Variants in DCDC2 observed in about 807,000 individuals in gnomAD.
DCDC2 encodes the protein doublecortin domain containing 2.
In DCDC2, 40 loss-of-function variants were observed where a neutral mutation model predicts 50.2. That is an observed-to-expected ratio of 0.80 (90% CI 0.62 to 1.04). DCDC2 has a LOEUF of 1.04. Ranked by LOEUF, DCDC2 falls within the 50% of genes least tolerant of loss-of-function variation. The pLI, the probability that DCDC2 is intolerant of heterozygous loss-of-function variation, is 0.00. For missense variants in DCDC2, 570 were observed against 581.9 expected, an observed-to-expected ratio of 0.98 and a Z score of 0.21; for synonymous variants, 234 against 210.6, an observed-to-expected ratio of 1.11 and a Z score of -0.96.
intron 7 of DCDC2, among the ~76,000 whole-genome samples, chr6:24,218,794 A>G (rs1762037550): frequency 6.6e-6 from 1 of 152,192 alleles, no homozygotes; most frequent in Non-Finnish European, 1.5e-5. Context: ...GGCCTATTTT[A>G]AAAATAAATA....
chr6:24,258,733 G>A (rs1043163317), intron 7 of DCDC2, among the ~76,000 whole-genome samples: 10 of 152,100 alleles, frequency 6.6e-5, no homozygotes, highest in African/African-American at 2.2e-4. Context: ...ACATAACTCT[G>A]AGCCCTCAGA....
At chr6:24,306,565 GACA>G (rs1353651574) in intron 2 of DCDC2, among the ~76,000 whole-genome samples, 9 of 149,296 alleles carry the variant, frequency 6.0e-5, no homozygotes, top group African/African-American at 2.3e-4. Flanking sequence ...CAGACAGACA[GACA>G]GACAGACAAA....
chr6:24,360,293 GATCATGCGCTCATTC>G (rs970401236), upstream of DCDC2, among the ~76,000 whole-genome samples: 15 of 152,334 alleles, frequency 9.8e-5, no homozygotes, highest in South Asian at 4.1e-4. Context: ...CAGGTGACAT[GATCATGCGCTCATTC>G]ATCATGCGCT....
chr6:24,364,226 C>T, the DCDC2 span, among the ~76,000 whole-genome samples: 5 of 152,076 alleles, frequency 3.3e-5, no homozygotes, highest in Non-Finnish European at 2.9e-5. Context: ...TATTTTTTCT[C>T]TATAGGTTTT....
At chr6:24,197,625 C>T (rs908298816) in intron 8 of DCDC2, among the ~76,000 whole-genome samples, 22 of 152,238 alleles carry the variant, frequency 1.4e-4, no homozygotes, top group Admixed American at 1.4e-3. Flanking sequence ...TTGAAATCTG[C>T]GTGATTTTTA....
chr6:24,319,316 G>C (rs563154472), intron 2 of DCDC2, among the ~76,000 whole-genome samples: 21 of 150,674 alleles, frequency 1.4e-4, no homozygotes, highest in Non-Finnish European at 2.1e-4. Flanking sequence ...TGAGTTGTTT[G>C]AGTCCTTGTA....
chr6:24,372,176 C>T, the DCDC2 span, among the ~76,000 whole-genome samples: 1 of 152,142 alleles, frequency 6.6e-6, no homozygotes, highest in East Asian at 1.9e-4. Flanking sequence ...AATCCCAGCA[C>T]TTTGGGAGGC....
intron 7 of DCDC2, among the ~76,000 whole-genome samples, chr6:24,270,918 A>T (rs1763222460): frequency 1.3e-5 from 2 of 152,136 alleles, no homozygotes; most frequent in African/African-American, 4.8e-5. Context: ...ATCTGTAGTA[A>T]GCTACAGAAA....
intron 8 of DCDC2, among the ~76,000 whole-genome samples, chr6:24,193,207 A>G (rs1049934340): frequency 6.6e-6 from 1 of 152,200 alleles, no homozygotes; most frequent in Non-Finnish European, 1.5e-5. Flanking sequence ...TCTCAGAAAA[A>G]TGTGTCTCCC....
intron 2 of DCDC2, among the ~76,000 whole-genome samples, chr6:24,327,242 C>T (rs1332593233): frequency 6.7e-6 from 1 of 149,532 alleles, no homozygotes; most frequent in Non-Finnish European, 1.5e-5. Flanking sequence ...CAGCTTAGGA[C>T]TTTTGACTAT....
At chr6:24,373,862 A>G in the DCDC2 span, among the ~76,000 whole-genome samples, 1 of 152,144 alleles carries the variant, frequency 6.6e-6, no homozygotes, top group Non-Finnish European at 1.5e-5. Flanking sequence ...GGAGGGAGGA[A>G]AAAAGGAAGG....
chr6:24,358,679 C>G (rs1285463024), upstream of DCDC2, among the ~76,000 whole-genome samples: 3 of 101,570 alleles, frequency 3.0e-5, no homozygotes, highest in African/African-American at 1.1e-4. Flanking sequence ...AAGACCCTGT[C>G]TTAGAAAATA....
At chr6:24,268,308 G>C (rs188601757) in intron 7 of DCDC2, among the ~76,000 whole-genome samples, 4 of 152,104 alleles carry the variant, frequency 2.6e-5, no homozygotes, top group Non-Finnish European at 4.4e-5. Context: ...CCAACATGGC[G>C]AAGTCCCATC....
At chr6:24,326,985 T>C (rs1197050057) in intron 2 of DCDC2, among the ~76,000 whole-genome samples, 1 of 149,616 alleles carries the variant, frequency 6.7e-6, no homozygotes, top group East Asian at 2.2e-4. Context: ...AGGCCAAGGA[T>C]TGTGTTCTAC....
At chr6:24,201,924 C>T (rs939831557) in intron 8 of DCDC2, among the ~76,000 whole-genome samples, 1 of 152,092 alleles carries the variant, frequency 6.6e-6, no homozygotes, top group African/African-American at 2.4e-5. Context: ...CATACACCCT[C>T]CCAAGACTAA....
chr6:24,298,731 T>A (rs1295723169), intron 4 of DCDC2, among the ~76,000 whole-genome samples: 1 of 152,140 alleles, frequency 6.6e-6, no homozygotes, highest in Non-Finnish European at 1.5e-5. Context: ...TCACGCAACA[T>A]GAGTGAAAAG....
At chr6:24,234,892 C>A (rs926529556) in intron 7 of DCDC2, among the ~76,000 whole-genome samples, 1 of 152,078 alleles carries the variant, frequency 6.6e-6, no homozygotes, top group African/African-American at 2.4e-5. Context: ...ACATAGATAG[C>A]ACACTTGCCA....
At chr6:24,188,470 T>C (rs905572848) in intron 8 of DCDC2, among the ~76,000 whole-genome samples, 12 of 152,210 alleles carry the variant, frequency 7.9e-5, no homozygotes, top group African/African-American at 2.9e-4. Flanking sequence ...TACATCACCA[T>C]GCCACTGTTT....
chr6:24,312,865 A>G (rs150174142), intron 2 of DCDC2, among the ~76,000 whole-genome samples: 28 of 152,358 alleles, frequency 1.8e-4, no homozygotes, highest in Non-Finnish European at 3.2e-4. Flanking sequence ...AAAACAAAGC[A>G]AAGTAAAATA....
Sources: gnomAD v4.1 joint callset for allele counts (sites outside exome capture counted in the v4.1 genomes callset) on GRCh38, gnomAD v4.1.1 for gene constraint, MANE v1.5 for transcripts, NCBI Gene and HGNC (gene_info 2026-07-23, HGNC 2026-07-21) for gene names.